The following CCDC60 variants were observed in gnomAD, a reference collection of about 807,000 sequenced individuals.
The protein encoded by CCDC60 is coiled-coil domain containing 60.
In CCDC60, 54 loss-of-function variants were observed where a neutral mutation model predicts 63.5. The observed-to-expected ratio is 0.85, with a 90% CI of 0.68 to 1.07. The LOEUF (loss-of-function observed/expected upper bound fraction) is 1.07. Among genes scored for constraint, CCDC60 ranks in the 50% least tolerant of loss-of-function variants. The probability of loss-of-function intolerance (pLI) is 0.00; values close to 1 mark genes in which losing one functional copy is unlikely to be tolerated. For missense variants in CCDC60, 651 were observed against 684.3 expected, an observed-to-expected ratio of 0.95 and a Z score of 0.54; for synonymous variants, 206 against 238.8, an observed-to-expected ratio of 0.86 and a Z score of 1.27.
Position 119,540,759 on chromosome 12 carries a change from C to T in CCDC60, c.*44C>T. On this transcript the variant is annotated 3_prime_UTR_variant, in exon 14 of 14. Coordinates refer to ENST00000327554, the MANE Select transcript of CCDC60 (RefSeq NM_178499.5). Reference sequence around the variant, plus strand: ...AGCTGTCTCAGTGGAGGAGTGTTTGCCTATATCATGTTCCTGTATCCTGCC... The same window carrying T: ...AGCTGTCTCAGTGGAGGAGTGTTTGTCTATATCATGTTCCTGTATCCTGCC... 1 of 1,353,980 alleles carries T rather than the reference C, an allele frequency of 7.4e-7. No individual in the cohort carries two copies. The highest frequency in any genetic ancestry group is 1.1e-6 in the Non-Finnish European group (1 of 949,106). 83.9% of individuals were successfully genotyped at this position (1,353,980 alleles called of 1,614,324 possible). A position where few individuals can be genotyped will look rare whatever the true frequency, so the allele number is the denominator to read the frequency against.
At chr12:119,449,107 G>A (rs1566015672) in intron 2 of CCDC60, among the ~76,000 whole-genome samples, 1 of 152,092 alleles carries the variant, frequency 6.6e-6, no homozygotes, top group Non-Finnish European at 1.5e-5. Flanking sequence ...GTGGCCTGAG[G>A]GTCTATGTGT....
intron 9 of CCDC60, among the ~76,000 whole-genome samples, chr12:119,522,690 T>A (rs1952560821): frequency 6.6e-6 from 1 of 152,158 alleles, no homozygotes; most frequent in Non-Finnish European, 1.5e-5. Context: ...GGACTTGCTG[T>A]GGACCGTAAG....
At chr12:119,362,565 G>A (rs1316271364) in intron 1 of CCDC60, among the ~76,000 whole-genome samples, 3 of 152,052 alleles carry the variant, frequency 2.0e-5, no homozygotes, top group Non-Finnish European at 4.4e-5. Flanking sequence ...TTATATCTGG[G>A]TGATTTAATC....
intron 2 of CCDC60, among the ~76,000 whole-genome samples, chr12:119,450,944 G>A (rs1434298552): frequency 6.6e-6 from 1 of 152,000 alleles, no homozygotes; most frequent in Non-Finnish European, 1.5e-5. Flanking sequence ...GTCTGGAAAG[G>A]GTGTGTACTA....
intron 8 of CCDC60, among the ~76,000 whole-genome samples, chr12:119,519,446 T>G (rs1952449056): frequency 7.4e-6 from 1 of 135,780 alleles, no homozygotes; most frequent in Admixed American, 7.5e-5. Flanking sequence ...CGCGTGTGTG[T>G]GTGTGTATAT....
At chr12:119,516,028 T>C (rs1392513972) in intron 7 of CCDC60, among the ~76,000 whole-genome samples, 1 of 152,110 alleles carries the variant, frequency 6.6e-6, no homozygotes, top group African/African-American at 2.4e-5. Flanking sequence ...AAATGGGGGA[T>C]AAAAAGAGAA....
intron 5 of CCDC60, among the ~76,000 whole-genome samples, chr12:119,491,416 C>T (rs1458633509): frequency 6.6e-6 from 1 of 152,188 alleles, no homozygotes; most frequent in Non-Finnish European, 1.5e-5. Context: ...GCAACCTCCG[C>T]CTCCTGGGTT....
chr12:119,524,721 C>CTTTTTTTGTTTTTTTTTT (rs1952636321), intron 11 of CCDC60, among the ~76,000 whole-genome samples: 1 of 99,050 alleles, frequency 1.0e-5, no homozygotes, highest in Non-Finnish European at 1.9e-5. Context: ...CTTTTCTTTT[C>CTTTTTTTGTTTTTTTTTT]TTTTTTTTTT....
intron 2 of CCDC60, among the ~76,000 whole-genome samples, chr12:119,438,428 C>T (rs1250710786): frequency 6.6e-6 from 1 of 152,184 alleles, no homozygotes; most frequent in East Asian, 1.9e-4. Context: ...GTTTTATAGC[C>T]AGGCTTGGCA....
intron 2 of CCDC60, chr12:119,433,758 T>A (rs867019444): frequency 6.6e-6 from 4 of 607,514 alleles, no homozygotes; most frequent in Non-Finnish European, 1.2e-5. Flanking sequence ...TTAGCCCTCT[T>A]GTAATTCAAT....
intron 4 of CCDC60, among the ~76,000 whole-genome samples, chr12:119,485,923 A>G (rs908071472): frequency 1.3e-5 from 2 of 152,120 alleles, no homozygotes; most frequent in Non-Finnish European, 2.9e-5. Context: ...CCCCTCCACC[A>G]CCTTGTGACC....
chr12:119,339,544 G>T (rs531577894), intron 1 of CCDC60, among the ~76,000 whole-genome samples: 13 of 19,180 alleles, frequency 6.8e-4, no homozygotes, highest in Non-Finnish European at 1.2e-3. Context: ...GAACACTTTG[G>T]GGGGGGCCGA....
chr12:119,412,334 AG>A (rs934950990), intron 1 of CCDC60, among the ~76,000 whole-genome samples: 67 of 152,182 alleles, frequency 4.4e-4, no homozygotes, highest in African/African-American at 1.5e-3. Flanking sequence ...TTGGACCTTC[AG>A]GGGGTTCACT....
intron 1 of CCDC60, among the ~76,000 whole-genome samples, chr12:119,399,002 G>A (rs1164175585): frequency 6.6e-6 from 1 of 152,202 alleles, no homozygotes; most frequent in Non-Finnish European, 1.5e-5. Context: ...GCATGGGGAG[G>A]TTCTAACTTG....
chr12:119,399,917 T>C, intron 1 of CCDC60, among the ~76,000 whole-genome samples: 1 of 152,204 alleles, frequency 6.6e-6, no homozygotes, highest in Non-Finnish European at 1.5e-5. Context: ...ATTACACCAC[T>C]TGCCAAGCAG....
rs796820700 is a variant in CCDC60, at chr12:119,523,601, C to A, written c.1104-92C>A. On this transcript the variant is annotated intron_variant, in intron 10 of 13. Transcript: ENST00000327554. ...TACAGGGAGTCCCCCATGCAGAGCA[C>A]CTTGGGGCTAAGGGGGGCCAGAGTG... The A allele has an allele frequency of 1.0e-4, 156 of 1,567,460 alleles. 1 individual carries two copies. The African/African-American group carries it at 1.7e-3, about 17-fold the overall frequency.
intron 8 of CCDC60, among the ~76,000 whole-genome samples, chr12:119,517,078 C>A (rs1211523509): frequency 6.6e-6 from 1 of 152,150 alleles, no homozygotes; most frequent in Admixed American, 6.5e-5. Context: ...GCCTCCAACT[C>A]CTGGACTCAA....
At chr12:119,446,626 CAG>C (rs1227934941) in intron 2 of CCDC60, among the ~76,000 whole-genome samples, 2 of 152,042 alleles carry the variant, frequency 1.3e-5, no homozygotes, top group Admixed American at 1.3e-4. Context: ...GGACGGGAGA[CAG>C]AGAGAATGAA....
chr12:119,539,294 G>A (rs1034943587), intron 13 of CCDC60, among the ~76,000 whole-genome samples: 6 of 152,208 alleles, frequency 3.9e-5, no homozygotes, highest in East Asian at 3.8e-4. Flanking sequence ...ACCCACAACC[G>A]CCCCTTCTCC....
Sources: allele counts gnomAD v4.1 joint callset (sites outside exome capture counted in the v4.1 genomes callset), GRCh38; gene constraint gnomAD v4.1.1; transcripts MANE v1.5; gene names NCBI Gene and HGNC (gene_info 2026-07-23, HGNC 2026-07-21).